PRDM1: variants seen among roughly 807,000 people sequenced by gnomAD.
PRDM1 encodes PR/SET domain 1.
PRDM1 carries 13 observed loss-of-function variants against 62.8 expected under a neutral mutation model. That is an observed-to-expected ratio of 0.21 (90% CI 0.13 to 0.33). The LOEUF is 0.33. Among genes scored for constraint, PRDM1 ranks in the 10% least tolerant of loss-of-function variants. The pLI is 1.00. For missense variants in PRDM1, 895 were observed against 1,058.8 expected (o/e 0.85, Z 2.15); for synonymous variants, 396 against 417.6 (o/e 0.95, Z 0.63).
intron 4 of PRDM1, among the ~76,000 whole-genome samples, chr6:106,102,214 C>G (rs1300217715): frequency 6.6e-6 from 1 of 152,140 alleles, no homozygotes; most frequent in African/African-American, 2.4e-5. Flanking sequence ...TGACTCCGTC[C>G]GCCTACAGCC....
chr6:106,037,106 G>A (rs1352816884), intron 1 of PRDM1, among the ~76,000 whole-genome samples: 2 of 152,156 alleles, frequency 1.3e-5, no homozygotes, highest in Non-Finnish European at 2.9e-5. Flanking sequence ...TTGTTCATCT[G>A]GGAATGTCTT....
chr6:106,093,862 T>TAAC (rs147263714), intron 2 of PRDM1, among the ~76,000 whole-genome samples: 98 of 152,340 alleles, frequency 6.4e-4, no homozygotes, highest in African/African-American at 2.2e-3. Flanking sequence ...GGACCAAAAA[T>TAAC]AACACTCTTG....
chr6:106,092,701 C>T (rs1773996919), intron 2 of PRDM1, among the ~76,000 whole-genome samples: 1 of 152,136 alleles, frequency 6.6e-6, no homozygotes, highest in Admixed American at 6.5e-5. Context: ...TTTCACTTCC[C>T]TTTAAAAACA....
Position 106,107,584 on chromosome 6 carries a change from C to T in PRDM1, c.*98C>T. On this transcript the variant is annotated 3_prime_UTR_variant, in exon 7 of 7. Coordinates refer to ENST00000369096, the MANE Select transcript of PRDM1 (RefSeq NM_001198.4). Reference sequence around the variant, plus strand: ...TGTACATAATCCCAGCTCTGCAAAGCTCTCTCGACAGCAAATGGTTTCCCC... The same window carrying T: ...TGTACATAATCCCAGCTCTGCAAAGTTCTCTCGACAGCAAATGGTTTCCCC... The T allele has an allele frequency of 9.1e-7, 1 of 1,093,068 alleles. No individual in the cohort carries two copies. 67.7% of individuals were successfully genotyped at this position (1,093,068 alleles called of 1,614,324 possible).
intron 4 of PRDM1, among the ~76,000 whole-genome samples, chr6:106,103,559 C>A (rs72941693): frequency 6.6e-6 from 1 of 152,106 alleles, no homozygotes; most frequent in Non-Finnish European, 1.5e-5. Flanking sequence ...AACTAAACAT[C>A]GTATGTTTTA....
Position 106,105,118 on chromosome 6 carries a change from A to G in PRDM1, c.958A>G (p.Arg320Gly). Residue 320 changes from arginine to glycine, a missense_variant, in exon 5 of 7, where the codon AGA becomes GGA. Arg to Gly is a moderately radical substitution (Grantham distance 125). Transcript: ENST00000369096. ...AGCTTCCCTGGCCTACGGGATCGAG[A>G]GACCCACGTACATCACTCGCTCCCC... Reference protein sequence around the residue: ...LKASLAYGIERPTYITRSPIP... With the variant: ...LKASLAYGIEGPTYITRSPIP... 1 of 1,613,898 alleles carries G rather than the reference A, an allele frequency of 6.2e-7. No individual in the cohort carries two copies. Among genetic ancestry groups the G allele is most frequent in the Non-Finnish European group, 8.5e-7 (1 of 1,179,984 alleles).
chr6:106,008,895 G>A (rs534437928), intron 1 of PRDM1, among the ~76,000 whole-genome samples: 3 of 152,142 alleles, frequency 2.0e-5, no homozygotes, highest in East Asian at 1.9e-4. Flanking sequence ...CTACTCCTTC[G>A]ACTCTACCTC....
chr6:106,008,951 C>G (rs1772512153), intron 1 of PRDM1, among the ~76,000 whole-genome samples: 1 of 152,174 alleles, frequency 6.6e-6, no homozygotes, highest in Non-Finnish European at 1.5e-5. Context: ...AGACTATAGT[C>G]TTCCCGCAGC....
chr6:106,096,712 C>T (rs1309039873), intron 3 of PRDM1, among the ~76,000 whole-genome samples: 1 of 152,074 alleles, frequency 6.6e-6, no homozygotes, highest in Non-Finnish European at 1.5e-5. Context: ...TTAGAAAGGC[C>T]CCCAGAGGTG....
Position 106,108,278 on chromosome 6 carries a change from C to T in PRDM1, c.*792C>T, listed in dbSNP as rs534763315. The T allele has an allele frequency of 2.1e-5, 5 of 233,684 alleles. No homozygotes were observed. The highest frequency in any genetic ancestry group is 4.4e-5 in the African/African-American group (2 of 45,420). The allele number at this position is 233,684 out of a possible 1,614,324, so 14.5% of individuals were successfully genotyped here. A position where few individuals can be genotyped will look rare whatever the true frequency, so the allele number is the denominator to read the frequency against. Reference sequence around the variant, plus strand: ...CGGAAGGGTGACAGGAAGGCTTTACCAACCTGTCTCTCCCTCCAAAAGAGC... The same window carrying T: ...CGGAAGGGTGACAGGAAGGCTTTACTAACCTGTCTCTCCCTCCAAAAGAGC... On this transcript the variant is annotated 3_prime_UTR_variant, in exon 7 of 7. Transcript: ENST00000369096.
intron 1 of PRDM1, among the ~76,000 whole-genome samples, chr6:106,060,301 T>C (rs1773327745): frequency 6.6e-6 from 1 of 152,064 alleles, no homozygotes; most frequent in Non-Finnish European, 1.5e-5. Context: ...GAGAGCACGA[T>C]TGTGTCAAGT....
intron 1 of PRDM1, among the ~76,000 whole-genome samples, chr6:105,998,917 ATATATATATATATATATTTT>A (rs1186950113): frequency 0.015 from 58 of 3,818 alleles, no homozygotes; most frequent in African/African-American, 0.052. Context: ...ATATATATAT[ATATATATATATATATATTTT>A]TTTTTTTTTT....
Position 106,109,332 on chromosome 6 carries a change from C to T in PRDM1, c.*1846C>T, listed in dbSNP as rs117008335. On this transcript the variant is annotated 3_prime_UTR_variant, in exon 7 of 7. Transcript: ENST00000369096. ...GCCACTTTATGATTATGTGGTCACA[C>T]CCAAGTCACAGAAATAAAAAACTGA... 1.3e-5 allele frequency: 3 copies of T among 232,860 alleles called. No homozygotes were observed. The highest frequency in any genetic ancestry group is 2.6e-5 in the Non-Finnish European group (3 of 117,646). 14.4% of individuals were successfully genotyped at this position (232,860 alleles called of 1,614,324 possible).
intron 1 of PRDM1, among the ~76,000 whole-genome samples, chr6:106,002,389 T>G (rs942266703): frequency 6.6e-6 from 1 of 152,180 alleles, no homozygotes; most frequent in African/African-American, 2.4e-5. Context: ...CATGGTTAGA[T>G]AATGGTGGCT....
At chr6:106,032,290 T>C (rs1484015787) in intron 1 of PRDM1, among the ~76,000 whole-genome samples, 7 of 151,864 alleles carry the variant, frequency 4.6e-5, no homozygotes, top group Non-Finnish European at 7.4e-5. Context: ...TCCCCAGTAG[T>C]TGGGACTAGA....
In PRDM1 at chr6:106,108,861, G is replaced by A. The variant is rs755778589; in HGVS notation, c.*1375G>A. The A allele has an allele frequency of 2.2e-5, 5 of 232,214 alleles. No individual in the cohort carries two copies. Among genetic ancestry groups the A allele is most frequent in the Non-Finnish European group, 3.4e-5 (4 of 117,284 alleles). The allele number at this position is 232,214 out of a possible 1,614,324, so 14.4% of individuals were successfully genotyped here. On this transcript the variant is annotated 3_prime_UTR_variant, in exon 7 of 7. Transcript: ENST00000369096. ...TGCAGGAAATGATGTCTTATCTAATGATTTGCTTCTCTAGAGGAGAAACCG... is the reference window on the plus strand; with the variant it reads ...TGCAGGAAATGATGTCTTATCTAATAATTTGCTTCTCTAGAGGAGAAACCG...
Position 106,086,525 on chromosome 6 carries a change from T to G in PRDM1, c.-29T>G, listed in dbSNP as rs1165423984. The stretch of plus-strand genomic sequence containing the variant: ...CGGGGGACGCGGGGAGAATGTGGAC[T>G]GGGTAGAGATGAACGAGACTTTTCT... On this transcript the variant is annotated 5_prime_UTR_variant, in exon 1 of 7. Transcript: ENST00000369096. 2 of 1,547,016 alleles carry G rather than the reference T, an allele frequency of 1.3e-6. No homozygotes were observed. Among genetic ancestry groups the G allele is most frequent in the African/African-American group, 2.8e-5 (2 of 72,726 alleles).
chr6:105,995,958 T>C (rs191037680), intron 1 of PRDM1, among the ~76,000 whole-genome samples: 1 of 152,362 alleles, frequency 6.6e-6, no homozygotes, highest in South Asian at 2.1e-4. Context: ...ATTTCCTTGC[T>C]CTGTGTTGGA....
chr6:106,049,334 C>T (rs983622232), intron 1 of PRDM1, among the ~76,000 whole-genome samples: 4 of 152,224 alleles, frequency 2.6e-5, no homozygotes, highest in African/African-American at 9.7e-5. Flanking sequence ...CAACAAGCCT[C>T]AGGTGACTGA....
Sources: gnomAD v4.1 joint callset for allele counts (sites outside exome capture counted in the v4.1 genomes callset) on GRCh38, gnomAD v4.1.1 for gene constraint, MANE v1.5 for transcripts, NCBI Gene and HGNC (gene_info 2026-07-23, HGNC 2026-07-21) for gene names.